Variants in MROH1 observed in about 807,000 individuals in gnomAD.
The protein encoded by MROH1 is maestro heat like repeat family member 1.
Under a neutral mutation model 116.5 loss-of-function variants are expected in MROH1, and 117 were observed. The ratio of observed to expected loss-of-function variants is 1.00; its 90% CI spans 0.86 to 1.17. The LOEUF is 1.17. Among genes scored for constraint, MROH1 ranks in the 50% most tolerant of loss-of-function variants. The probability of loss-of-function intolerance (pLI) is 0.00; values close to 1 mark genes in which losing one functional copy is unlikely to be tolerated. For missense variants in MROH1, 1,873 were observed against 1,338.5 expected (o/e 1.40, Z -6.23); for synonymous variants, 921 against 583.9 (o/e 1.58, Z -8.32).
At chr8:144,240,003 T>C in intron 18 of MROH1, 98 bp from the exon 19 acceptor site, 1 of 722,084 alleles carries the variant, frequency 1.4e-6, no homozygotes, top group Non-Finnish European at 2.6e-6. Context: ...CGGCGGGGCC[T>C]GTCTGTGCTG....
intron 1 of MROH1, chr8:144,148,608 C>G (rs908022495): frequency 2.6e-5 from 4 of 152,702 alleles, no homozygotes; most frequent in Non-Finnish European, 5.9e-5. Context: ...CTCTGACGAT[C>G]GCGAGCAGGA....
Position 144,261,672 on chromosome 8 carries a change from A to G in MROH1, c.4858A>G (p.Lys1620Glu), listed in dbSNP as rs1845110611. 5 of 725,404 alleles carry G rather than the reference A, an allele frequency of 6.9e-6. No homozygotes were observed. In the African/African-American group the frequency reaches 8.7e-5, roughly 13 times the overall value. The allele number at this position is 725,404 out of a possible 1,614,324, so 44.9% of individuals were successfully genotyped here. ...QLIAALQILL[K>E]DPAPEVRTRA... ...ACCCCCAGCGCTCCAGATCCTGCTGAAGGACCCGGCCCCCGAGGTGCGGAC... is the reference window on the plus strand; with the variant it reads ...ACCCCCAGCGCTCCAGATCCTGCTGGAGGACCCGGCCCCCGAGGTGCGGAC... Residue 1620 changes from lysine to glutamate, a missense_variant, in exon 44 of 44, where the codon AAG (lysine) becomes GAG (glutamate). Lys to Glu is a moderately conservative substitution (Grantham distance 56). Coordinates refer to ENST00000326134, the MANE Select transcript of MROH1 (RefSeq NM_032450.3).
chr8:144,241,315 C>T (rs1053059496), intron 21 of MROH1, 80 bp from the exon 22 acceptor site: 106 of 712,104 alleles, frequency 1.5e-4, no homozygotes, highest in African/African-American at 5.8e-4. Context: ...TGGGTGTGCC[C>T]GTGTCCACAC....
Position 144,180,631 on chromosome 8 carries a change from G to C in MROH1, c.562+108G>C, listed in dbSNP as rs988418347. 1 of 1,102,014 alleles carries C rather than the reference G, an allele frequency of 9.1e-7. No homozygotes were observed. Among genetic ancestry groups the C allele is most frequent in the African/African-American group, 1.6e-5 (1 of 63,878 alleles). 68.3% of individuals were successfully genotyped at this position (1,102,014 alleles called of 1,614,324 possible). On this transcript the variant is annotated intron_variant, in intron 7 of 43. Transcript: ENST00000326134. The surrounding 1 kb of genome is among the most constrained non-coding windows in gnomAD (Gnocchi z 7.4). ...AGGTGGGCACTTTAGGCTGCAGGAA[G>C]GGGGGCTGTTGGAGGGAGGGGCCCC... is the stretch of plus-strand genomic sequence containing the variant.
At chr8:144,250,809 C>G (rs1003967834) in intron 33 of MROH1, 3 of 345,922 alleles carry the variant, frequency 8.7e-6, no homozygotes, top group Admixed American at 4.0e-5. Flanking sequence ...TCTGAGCCCC[C>G]TCAGGAGCCC....
At chr8:144,168,463 A>T in intron 4 of MROH1, 23 bp downstream of exon 4, 1 of 1,585,406 alleles carries the variant, frequency 6.3e-7, no homozygotes, top group Non-Finnish European at 8.6e-7. Flanking sequence ...CTTGGTGGGG[A>T]TGATGTTGTC....
intron 4 of MROH1, chr8:144,175,449 C>A (rs1256284052): frequency 1.0e-6 from 1 of 968,792 alleles, no homozygotes; most frequent in Non-Finnish European, 1.2e-6. Flanking sequence ...CTAGATAGAA[C>A]CAGACCAATT....
intron 14 of MROH1, among the ~76,000 whole-genome samples, chr8:144,230,605 T>C (rs1013988678): frequency 1.3e-5 from 2 of 151,962 alleles, no homozygotes; most frequent in African/African-American, 4.8e-5. Flanking sequence ...ATAATTTTTT[T>C]CTTGTGATGT....
chr8:144,206,585 G>A (rs1467067482), intron 12 of MROH1, among the ~76,000 whole-genome samples: 1 of 151,490 alleles, frequency 6.6e-6, no homozygotes, highest in East Asian at 2.0e-4. Context: ...ACCACACCCG[G>A]CTAATTTTTG....
intron 14 of MROH1, among the ~76,000 whole-genome samples, chr8:144,228,703 C>T (rs1838265773): frequency 6.6e-6 from 1 of 152,202 alleles, no homozygotes; most frequent in Non-Finnish European, 1.5e-5. Flanking sequence ...ACCTCATGAT[C>T]CACCCGCCTC....
intron 10 of MROH1, among the ~76,000 whole-genome samples, chr8:144,198,137 C>A (rs1830365612): frequency 6.6e-6 from 1 of 152,086 alleles, no homozygotes; most frequent in Non-Finnish European, 1.5e-5. Flanking sequence ...CTCCACCTCG[C>A]AGTGATTTCT....
At position 144,159,765 on chromosome 8, in the gene MROH1, A is replaced by ATTT. The variant is rs1161961224; in HGVS notation, c.-176-1187_-176-1185dup. Among the ~76,000 whole-genome samples the ATTT allele has an allele frequency of 2.6e-3, 320 of 123,702 alleles. 6 individuals carry two copies. The highest frequency in any genetic ancestry group is 7.4e-3 in the African/African-American group (237 of 31,872). 81.2% of individuals were successfully genotyped at this position (123,702 alleles called of 152,430 possible). ...TTCTTGCTTCTTTGTACGCCTGGTA[A>ATTT]TTTTTTTTTTTTTTTTTTTTGAGAC... On this transcript the variant is annotated intron_variant, in intron 1 of 43. Coordinates refer to ENST00000326134, the MANE Select transcript of MROH1 (RefSeq NM_032450.3).
At chr8:144,246,920 C>T (rs1842014503) in intron 29 of MROH1, among the ~76,000 whole-genome samples, 1 of 152,318 alleles carries the variant, frequency 6.6e-6, no homozygotes, top group Non-Finnish European at 1.5e-5. Flanking sequence ...TACAGTCCTG[C>T]CCCTCACCCA....
At chr8:144,193,436 A>G (rs1224618281) in intron 10 of MROH1, among the ~76,000 whole-genome samples, 5 of 152,230 alleles carry the variant, frequency 3.3e-5, no homozygotes, top group Admixed American at 2.0e-4. Flanking sequence ...GGAAATAGGA[A>G]AAGATCCAGA....
intron 14 of MROH1, among the ~76,000 whole-genome samples, chr8:144,227,962 A>T (rs1838122884): frequency 6.6e-6 from 1 of 151,444 alleles, no homozygotes. Flanking sequence ...GAAAAAAGAA[A>T]ACAGAATGTT....
In MROH1 at chr8:144,191,769, G is replaced by C. The variant is rs777719816; in HGVS notation, c.769G>C (p.Glu257Gln). Residue 257 changes from glutamate to glutamine, a missense_variant, in exon 9 of 44, where the codon GAG becomes CAG. Glu to Gln is a conservative substitution (Grantham distance 29, BLOSUM62 2). Transcript: ENST00000326134. ...LGPMSHLLPS[E>Q]RLEEQLPKLL... ...GCCTATGAGCCATCTGCTGCCCAGT[G>C]AGAGGCTGGAAGAGCAGCTGCCCAA... The C allele has an allele frequency of 6.2e-7, 1 of 1,613,270 alleles. No homozygotes were observed. Among genetic ancestry groups the C allele is most frequent in the Non-Finnish European group, 8.5e-7 (1 of 1,179,794 alleles).
At chr8:144,186,183 T>C (rs574410374) in intron 7 of MROH1, among the ~76,000 whole-genome samples, 2 of 150,004 alleles carry the variant, frequency 1.3e-5, no homozygotes, top group South Asian at 4.2e-4. Context: ...TGCAGTGGTG[T>C]GATCTTGGCT....
Position 144,240,091 on chromosome 8 carries a change from G to C in MROH1, c.1775-10G>C. 1.3e-6 allele frequency: 1 copy of C among 776,636 alleles called. No individual in the cohort carries two copies. Among genetic ancestry groups the C allele is most frequent in the Non-Finnish European group, 2.4e-6 (1 of 416,216 alleles). 48.1% of individuals were successfully genotyped at this position (776,636 alleles called of 1,614,324 possible). ...TTGGGATGGGCTGGCCTGCGCGGCT[G>C]TCGTTTCAGAGCACACAGAAGAGAC... On this transcript the variant is annotated splice_polypyrimidine_tract_variant and intron_variant, in intron 18 of 43. Coordinates refer to ENST00000326134, the MANE Select transcript of MROH1 (RefSeq NM_032450.3).
At chr8:144,219,960 GTGACCCTTC>G (rs1200319224) in intron 12 of MROH1, among the ~76,000 whole-genome samples, 4 of 152,108 alleles carry the variant, frequency 2.6e-5, no homozygotes, top group African/African-American at 9.7e-5. Context: ...TTGGGTTGTC[GTGACCCTTC>G]TCTCCAAGGA....
Sources: gnomAD v4.1 joint callset for allele counts (sites outside exome capture counted in the v4.1 genomes callset) on GRCh38, gnomAD v4.1.1 for gene constraint, Gnocchi (gnomAD v3.1) non-coding constraint, MANE v1.5 for transcripts, NCBI Gene and HGNC (gene_info 2026-07-23, HGNC 2026-07-21) for gene names.